Variants in PJA2 observed in about 807,000 individuals in gnomAD.
PJA2 encodes E3 ubiquitin-protein ligase Praja-2.
A neutral mutation model predicts 69.3 loss-of-function variants in PJA2; 25 were observed. That is an observed-to-expected ratio of 0.36 (90% CI 0.26 to 0.50). PJA2 has a LOEUF of 0.50. PJA2 is among the 20% of genes least tolerant of loss of function. PJA2 has a pLI of 0.96. For synonymous variants in PJA2, 308 were observed against 277.8 expected, an observed-to-expected ratio of 1.11 and a Z score of -1.08; for missense variants, 809 against 830.2, an observed-to-expected ratio of 0.97 and a Z score of 0.31.
chr5:109,357,850 T>C (rs576058428), intron 6 of PJA2, among the ~76,000 whole-genome samples: 6 of 152,374 alleles, frequency 3.9e-5, no homozygotes, highest in Non-Finnish European at 7.3e-5. Flanking sequence ...AAAAAAACTC[T>C]TCAAACGATT....
chr5:109,376,575 A>G (rs1242398540), intron 4 of PJA2, among the ~76,000 whole-genome samples: 1 of 152,072 alleles, frequency 6.6e-6, no homozygotes, highest in Non-Finnish European at 1.5e-5. Flanking sequence ...TTTGCCCAAA[A>G]TGACAAAGGT....
intron 4 of PJA2, among the ~76,000 whole-genome samples, chr5:109,374,330 T>C (rs1426160357): frequency 6.6e-6 from 1 of 152,198 alleles, no homozygotes; most frequent in Non-Finnish European, 1.5e-5. Context: ...TTTGCTAAAA[T>C]GTCAGCACAT....
chr5:109,383,241 T>A (rs766900483), intron 2 of PJA2, among the ~76,000 whole-genome samples, 162 bp downstream of exon 2: 1 of 152,112 alleles, frequency 6.6e-6, no homozygotes. Context: ...TTTTTACCTA[T>A]CAAAAATTAG....
intron 3 of PJA2, 89 bp from the exon 4 acceptor site, chr5:109,379,343 C>G: frequency 1.1e-6 from 1 of 902,668 alleles, no homozygotes; most frequent in Non-Finnish European, 1.6e-6. Context: ...GAAATCATAC[C>G]AATTATTACT....
intron 7 of PJA2, among the ~76,000 whole-genome samples, chr5:109,354,089 T>TG (rs1762345021): frequency 1.9e-5 from 1 of 51,512 alleles, no homozygotes; most frequent in Non-Finnish European, 5.4e-5. Flanking sequence ...ATTAGATATC[T>TG]ATATCTAGAG....
chr5:109,353,481 AATATAT>A (rs1762315169), intron 7 of PJA2, among the ~76,000 whole-genome samples: 8 of 96,940 alleles, frequency 8.3e-5, no homozygotes, highest in Non-Finnish European at 2.0e-4. Flanking sequence ...ATAGATATCT[AATATAT>A]TAGATATCTA....
intron 1 of PJA2, among the ~76,000 whole-genome samples, chr5:109,400,451 G>A (rs1747513333): frequency 7.3e-6 from 1 of 136,586 alleles, no homozygotes; most frequent in South Asian, 2.8e-4. Context: ...GAGTTTAACT[G>A]GAACCCCACA....
At chr5:109,376,325 G>A (rs1006625789) in intron 4 of PJA2, among the ~76,000 whole-genome samples, 4 of 142,064 alleles carry the variant, frequency 2.8e-5, no homozygotes, top group Admixed American at 2.8e-4. Context: ...TTAAAAATAA[G>A]AATAAGAATT....
At chr5:109,340,093 T>C (rs1762015487) in intron 9 of PJA2, among the ~76,000 whole-genome samples, 1 of 152,204 alleles carries the variant, frequency 6.6e-6, no homozygotes, top group South Asian at 2.1e-4. Flanking sequence ...ACGTGCTGTT[T>C]ACTGAAGACT....
intron 9 of PJA2, among the ~76,000 whole-genome samples, chr5:109,342,623 C>T (rs1365199478): frequency 5.0e-5 from 5 of 100,544 alleles, no homozygotes; most frequent in African/African-American, 1.7e-4. Flanking sequence ...CCCCTCTGCC[C>T]GGCCAGCCGC....
At chr5:109,343,268 C>T (rs111946182) in intron 9 of PJA2, among the ~76,000 whole-genome samples, 2 of 47,894 alleles carry the variant, frequency 4.2e-5, no homozygotes, top group African/African-American at 3.4e-4. Flanking sequence ...GGATTAAGGG[C>T]GGTGCAAAAA....
intron 9 of PJA2, among the ~76,000 whole-genome samples, chr5:109,338,581 G>A (rs918356232): frequency 2.1e-5 from 3 of 142,198 alleles, no homozygotes; most frequent in African/African-American, 8.0e-5. Flanking sequence ...AGGTTGCAGT[G>A]AGCTGAGACA....
intron 5 of PJA2, among the ~76,000 whole-genome samples, 158 bp from the exon 6 acceptor site, chr5:109,363,180 T>TA (rs145091847): frequency 6.6e-6 from 1 of 152,126 alleles, no homozygotes; most frequent in Non-Finnish European, 1.5e-5. Context: ...CAGAATTATG[T>TA]AAAAAAAGGA....
chr5:109,381,061 G>T (rs1554055065), intron 3 of PJA2, among the ~76,000 whole-genome samples: 1 of 151,046 alleles, frequency 6.6e-6, no homozygotes, highest in Non-Finnish European at 1.5e-5. Context: ...GTTGCAGTCA[G>T]CCAAGATGCA....
intron 4 of PJA2, 25 bp from the exon 5 acceptor site, chr5:109,368,771 TATC>T (rs1347404837): frequency 6.3e-7 from 1 of 1,588,814 alleles, no homozygotes; most frequent in South Asian, 1.1e-5. Context: ...AGAAATAAAC[TATC>T]ATAATGTGTT....
rs1023770938 is a variant in PJA2 at position 109,335,986 on chromosome 5, A to C, written c.*1245T>G. 7.2e-5 allele frequency: 11 copies of C among 152,648 alleles called. No individual in the cohort carries two copies. The highest frequency in any genetic ancestry group is 2.7e-4 in the African/African-American group (11 of 41,454). The allele number at this position is 152,648 out of a possible 1,614,324, so 9.5% of individuals were successfully genotyped here. A position where few individuals can be genotyped will look rare whatever the true frequency, so the allele number is the denominator to read the frequency against. On this transcript the variant is annotated 3_prime_UTR_variant, in exon 10 of 10. Coordinates refer to ENST00000361189, the MANE Select transcript of PJA2 (RefSeq NM_014819.5). ...ATATTTAAGCCTCATATGTGCCAAC[A>C]GTGAAAATTCATTTATTTTTAAGAA...
intron 1 of PJA2, among the ~76,000 whole-genome samples, chr5:109,398,600 G>C (rs576782442): frequency 6.9e-6 from 1 of 145,830 alleles, no homozygotes; most frequent in South Asian, 2.3e-4. Context: ...CTTGGATATA[G>C]GAAGGGGAAC....
rs1197846115 is a variant in PJA2 at position 109,353,113 on chromosome 5, CTA to C, written c.1764+2800_1764+2801del. Among the ~76,000 whole-genome samples, 5 of 141,766 alleles carry C rather than the reference CTA, an allele frequency of 3.5e-5. No homozygotes were observed. In the South Asian group the frequency reaches 6.7e-4, roughly 19 times the overall value. The allele number at this position is 141,766 out of a possible 152,430, so 93.0% of individuals were successfully genotyped here. On this transcript the variant is annotated intron_variant, in intron 7 of 9. Transcript: ENST00000361189. ...ACATCTATATATTAGATACCTATAT[CTA>C]TAGACATCTATATATTAGATACCTA...
chr5:109,375,868 G>C (rs1216759330), intron 4 of PJA2, among the ~76,000 whole-genome samples: 3 of 152,130 alleles, frequency 2.0e-5, no homozygotes, highest in Non-Finnish European at 4.4e-5. Flanking sequence ...AAGGCACCCT[G>C]GCAACTATAA....
Sources: allele counts gnomAD v4.1 joint callset (sites outside exome capture counted in the v4.1 genomes callset), GRCh38; gene constraint gnomAD v4.1.1; transcripts MANE v1.5; gene names NCBI Gene and HGNC (gene_info 2026-07-23, HGNC 2026-07-21).